PILRA: variants seen among roughly 807,000 people sequenced by gnomAD.
PILRA encodes the protein paired immunoglobin like type 2 receptor alpha, also known as paired immunoglobulin-like type 2 receptor alpha.
Under a neutral mutation model 33.1 loss-of-function variants are expected in PILRA, and 37 were observed. That is an observed-to-expected ratio of 1.12 (90% confidence interval 0.86 to 1.47). The LOEUF (loss-of-function observed/expected upper bound fraction) is 1.47. Ranked by LOEUF, PILRA falls within the 40% of genes most tolerant of loss-of-function variation. The probability of loss-of-function intolerance (pLI) is 0.00; values close to 1 mark genes in which losing one functional copy is unlikely to be tolerated. For synonymous variants in PILRA, 146 were observed against 149.9 expected, an observed-to-expected ratio of 0.97 and a Z score of 0.19; for missense variants, 312 against 376.2, an observed-to-expected ratio of 0.83 and a Z score of 1.41.
chr7:100,383,722 T>G (rs1791180015), intron 2 of PILRA, among the ~76,000 whole-genome samples: 1 of 151,872 alleles, frequency 6.6e-6, no homozygotes, highest in South Asian at 2.1e-4. Flanking sequence ...CTGAACCTCT[T>G]GCCTCCTGGG....
At chr7:100,397,769 C>A in intron 3 of PILRA, 110 bp from the exon 4 acceptor site, 1 of 1,166,050 alleles carries the variant, frequency 8.6e-7, no homozygotes, top group Non-Finnish European at 1.3e-6. Context: ...AGCAGCTCTG[C>A]TGCTCCGGTC....
Position 100,400,082 on chromosome 7 carries a change from T to A in PILRA, c.*175T>A. The A allele has an allele frequency of 2.0e-6, 1 of 495,366 alleles. No homozygotes were observed. The highest frequency in any genetic ancestry group is 3.4e-6 in the Non-Finnish European group (1 of 297,436). The allele number at this position is 495,366 out of a possible 1,614,324, so 30.7% of individuals were successfully genotyped here. On this transcript the variant is annotated 3_prime_UTR_variant, in exon 7 of 7. Transcript: ENST00000198536. ...TTAAAAATATATATTAACAATAAAG[T>A]AACAAATTTAAAAAGATTGTCTTCA...
Position 100,378,869 on chromosome 7 carries a change from G to A in PILRA, c.454+4436G>A, listed in dbSNP as rs374736363. On this transcript the variant is annotated intron_variant, in intron 2 of 6. Coordinates refer to ENST00000198536, the MANE Select transcript of PILRA (RefSeq NM_013439.3). ...GCACTTTGGGAGGTCAAGGCGGGTGGATCACGAGGTCAGGAGATCGAGACC... is the reference window on the plus strand; with the variant it reads ...GCACTTTGGGAGGTCAAGGCGGGTGAATCACGAGGTCAGGAGATCGAGACC... Among the ~76,000 whole-genome samples, 8 of 152,016 alleles carry A rather than the reference G, an allele frequency of 5.3e-5. No homozygotes were observed. The East Asian group carries it at 1.2e-3, about 22-fold the overall frequency.
chr7:100,374,366 G>C lies in PILRA; in HGVS notation c.387G>C (p.Leu129=). ...DQSVYFCRVE[L]DTRSSGRQQW... ...CTGTGTATTTCTGCCGAGTTGAGCTGGACACACGGAGCTCAGGGAGGCAGC... is the reference window on the plus strand; with the variant it reads ...CTGTGTATTTCTGCCGAGTTGAGCTCGACACACGGAGCTCAGGGAGGCAGC... Residue 129 remains leucine (L), a synonymous_variant, in exon 2 of 7, where the codon CTG becomes CTC. Coordinates refer to ENST00000198536, the MANE Select transcript of PILRA (RefSeq NM_013439.3). 1 of 1,614,062 alleles carries C rather than the reference G, an allele frequency of 6.2e-7. No homozygotes were observed.
upstream of PILRA, among the ~76,000 whole-genome samples, chr7:100,372,007 T>C (rs1332081161): frequency 6.6e-6 from 1 of 152,190 alleles, no homozygotes; most frequent in Non-Finnish European, 1.5e-5. Context: ...GGCCCCCACA[T>C]TGGACAGCCT....
In PILRA at chr7:100,392,636, T is replaced by C. The variant is rs115201994; in HGVS notation, c.673+2530T>C. 1.8e-3 allele frequency among the ~76,000 whole-genome samples: 272 copies of C among 152,202 alleles called. 1 individual carries two copies. The highest frequency in any genetic ancestry group is 6.3e-3 in the African/African-American group (260 of 41,524). ...ATTTAAAAGACAAAACAGTACAATA[T>C]TGGCATATTCATACACAGATAAAGC... On this transcript the variant is annotated intron_variant, in intron 3 of 6. Coordinates refer to ENST00000198536, the MANE Select transcript of PILRA (RefSeq NM_013439.3).
chr7:100,373,165 TCTC>T (rs935990378), upstream of PILRA, among the ~76,000 whole-genome samples: 10 of 151,992 alleles, frequency 6.6e-5, no homozygotes, highest in African/African-American at 2.2e-4. Flanking sequence ...CCGGCTTCCT[TCTC>T]CTCCTCTCTG....
At chr7:100,389,795 T>C in intron 2 of PILRA, 93 bp from the exon 3 acceptor site, 1 of 1,036,100 alleles carries the variant, frequency 9.7e-7, no homozygotes, top group Non-Finnish European at 1.5e-6. Context: ...TCACCACTAA[T>C]GTCCCCCAAC....
chr7:100,395,316 T>A (rs1013359510), intron 3 of PILRA, among the ~76,000 whole-genome samples: 3 of 152,146 alleles, frequency 2.0e-5, no homozygotes, highest in African/African-American at 7.2e-5. Flanking sequence ...AATGCCATTA[T>A]AAAAAGGGAT....
intron 2 of PILRA, among the ~76,000 whole-genome samples, chr7:100,383,359 C>G (rs1042831901): frequency 6.6e-6 from 1 of 152,096 alleles, no homozygotes; most frequent in African/African-American, 2.4e-5. Flanking sequence ...AAAGGCACAA[C>G]GCAGGGATAG....
chr7:100,383,318 C>T (rs527462418), intron 2 of PILRA, among the ~76,000 whole-genome samples: 1 of 152,244 alleles, frequency 6.6e-6, no homozygotes, highest in Admixed American at 6.5e-5. Context: ...GGCACCCGAG[C>T]CCACAGATGG....
intron 2 of PILRA, among the ~76,000 whole-genome samples, chr7:100,375,410 C>A (rs757460731): frequency 1.3e-5 from 2 of 152,192 alleles, no homozygotes; most frequent in Non-Finnish European, 2.9e-5. Flanking sequence ...TGCCCAACAT[C>A]ACACTAGTGG....
chr7:100,391,116 A>G (rs1221168693), intron 3 of PILRA, among the ~76,000 whole-genome samples: 4 of 147,946 alleles, frequency 2.7e-5, no homozygotes, highest in African/African-American at 1.0e-4. Context: ...GGAGTTTGAT[A>G]CCAACCTGGG....
intron 3 of PILRA, among the ~76,000 whole-genome samples, chr7:100,391,194 A>G (rs1399194208): frequency 3.4e-5 from 5 of 146,114 alleles, no homozygotes; most frequent in African/African-American, 1.2e-4. Flanking sequence ...AATTATTATT[A>G]TTATTATTAT....
intron 2 of PILRA, among the ~76,000 whole-genome samples, chr7:100,388,783 A>G (rs35215058): frequency 6.7e-6 from 1 of 150,220 alleles, no homozygotes; most frequent in African/African-American, 2.4e-5. Context: ...AAAAAAGACA[A>G]TCCTGTAAAA....
At chr7:100,380,286 A>C (rs1233499467) in intron 2 of PILRA, among the ~76,000 whole-genome samples, 1 of 152,232 alleles carries the variant, frequency 6.6e-6, no homozygotes, top group Non-Finnish European at 1.5e-5. Context: ...TTCTCCCATG[A>C]AACGCAAAGA....
intron 2 of PILRA, among the ~76,000 whole-genome samples, chr7:100,387,901 G>A (rs1482482787): frequency 3.9e-5 from 6 of 151,922 alleles, no homozygotes; most frequent in Non-Finnish European, 7.4e-5. Context: ...TTATTCCTAC[G>A]TAACTTTTCA....
intron 2 of PILRA, among the ~76,000 whole-genome samples, chr7:100,377,108 A>G (rs369397308): frequency 1.4e-4 from 22 of 151,996 alleles, no homozygotes; most frequent in African/African-American, 4.6e-4. Flanking sequence ...CTAAGATGCA[A>G]CAAACTAAAG....
intron 3 of PILRA, among the ~76,000 whole-genome samples, chr7:100,391,261 G>A (rs1319991402): frequency 6.7e-6 from 1 of 148,788 alleles, no homozygotes; most frequent in Admixed American, 6.7e-5. Flanking sequence ...AGGCTGAGAT[G>A]TGAGGATTGC....
Sources: gnomAD v4.1 joint callset for allele counts (sites outside exome capture counted in the v4.1 genomes callset) on GRCh38, gnomAD v4.1.1 for gene constraint, MANE v1.5 for transcripts, NCBI Gene and HGNC (gene_info 2026-07-23, HGNC 2026-07-21) for gene names.